The following EYS variants were observed in gnomAD, a reference collection of about 807,000 sequenced individuals.
EYS encodes the protein protein eyes shut homolog.
A neutral mutation model predicts 282.1 loss-of-function variants in EYS; 250 were observed. That is an observed-to-expected ratio of 0.89 (90% CI 0.80 to 0.98). EYS has a LOEUF of 0.98. EYS is among the 50% of genes least tolerant of loss of function. The probability of loss-of-function intolerance (pLI) is 0.00; values close to 1 mark genes in which losing one functional copy is unlikely to be tolerated. For missense variants in EYS, 4,016 were observed against 3,709.0 expected, an observed-to-expected ratio of 1.08 and a Z score of -2.15; for synonymous variants, 1,355 against 1,282.9, an observed-to-expected ratio of 1.06 and a Z score of -1.20.
chr6:64,684,790 A>T (rs1019882541), intron 22 of EYS, among the ~76,000 whole-genome samples: 1 of 151,994 alleles, frequency 6.6e-6, no homozygotes, highest in Non-Finnish European at 1.5e-5. Context: ...AATGGAATGT[A>T]TAAAGATATA....
At chr6:63,781,681 C>A (rs1292156965) in intron 39 of EYS, among the ~76,000 whole-genome samples, 1 of 152,200 alleles carries the variant, frequency 6.6e-6, no homozygotes, top group Non-Finnish European at 1.5e-5. Context: ...AATATACAAT[C>A]ATGTCATCTG....
At chr6:64,897,293 G>A (rs1224489764) in intron 18 of EYS, among the ~76,000 whole-genome samples, 1 of 152,120 alleles carries the variant, frequency 6.6e-6, no homozygotes, top group Non-Finnish European at 1.5e-5. Context: ...AGCCTCCACT[G>A]GTGATACCCA....
At chr6:64,318,978 C>T (rs529538767) in intron 29 of EYS, among the ~76,000 whole-genome samples, 1 of 151,818 alleles carries the variant, frequency 6.6e-6, no homozygotes, top group Non-Finnish European at 1.5e-5. Context: ...TTATAGTCAC[C>T]CTGTTATACT....
chr6:64,582,353 TCTAA>T (rs1445081626), intron 26 of EYS, among the ~76,000 whole-genome samples: 1 of 152,102 alleles, frequency 6.6e-6, no homozygotes, highest in East Asian at 1.9e-4. Context: ...CTGATGAGAA[TCTAA>T]CTAATGCCTG....
At chr6:65,212,322 T>C (rs1766195889) in intron 12 of EYS, among the ~76,000 whole-genome samples, 1 of 152,060 alleles carries the variant, frequency 6.6e-6, no homozygotes, top group Non-Finnish European at 1.5e-5. Flanking sequence ...AGGAAGAAAT[T>C]AAGAATTGAA....
chr6:65,025,363 G>A (rs1265453394), intron 13 of EYS, among the ~76,000 whole-genome samples: 1 of 152,080 alleles, frequency 6.6e-6, no homozygotes, highest in Non-Finnish European at 1.5e-5. Context: ...CTGCAATAAT[G>A]AAAATGAATT....
chr6:65,454,432 T>C (rs1012081995), intron 5 of EYS, among the ~76,000 whole-genome samples: 5 of 152,142 alleles, frequency 3.3e-5, no homozygotes, highest in Admixed American at 3.3e-4. Flanking sequence ...AATTTGCACA[T>C]ATTTTCTCTC....
intron 29 of EYS, among the ~76,000 whole-genome samples, chr6:64,387,963 T>G (rs939418677): frequency 6.6e-6 from 1 of 152,124 alleles, no homozygotes; most frequent in African/African-American, 2.4e-5. Flanking sequence ...TGTGAAACAA[T>G]AGCATTTTAT....
chr6:65,611,262 A>G (rs979866150), intron 2 of EYS, among the ~76,000 whole-genome samples: 3 of 151,878 alleles, frequency 2.0e-5, no homozygotes, highest in Admixed American at 6.6e-5. Context: ...AAGAACTGAG[A>G]GAATTCAACC....
Position 63,760,958 on chromosome 6 carries a change from T to C in EYS, c.8071+1503A>G, listed in dbSNP as rs575182155. Reference sequence around the variant, plus strand: ...AAAGGTACTCATCTTGGTTAATTTTTGAGTACTCTGCCTTTCACTAAGGAA... The same window carrying C: ...AAAGGTACTCATCTTGGTTAATTTTCGAGTACTCTGCCTTTCACTAAGGAA... On this transcript the variant is annotated intron_variant, in intron 41 of 42. Coordinates refer to ENST00000503581, the MANE Select transcript of EYS (RefSeq NM_001142800.2). Among the ~76,000 whole-genome samples, 426 of 152,146 alleles carry C rather than the reference T, an allele frequency of 2.8e-3. 2 individuals carry two copies. The highest frequency in any genetic ancestry group is 4.7e-3 in the Non-Finnish European group (320 of 67,968).
chr6:64,271,989 G>T (rs996091289), intron 30 of EYS, among the ~76,000 whole-genome samples: 1 of 152,032 alleles, frequency 6.6e-6, no homozygotes, highest in Non-Finnish European at 1.5e-5. Context: ...ACAGGCATGC[G>T]CCATCATGCC....
chr6:64,778,305 G>T (rs1446898216), intron 22 of EYS, among the ~76,000 whole-genome samples: 2 of 152,132 alleles, frequency 1.3e-5, no homozygotes, highest in Non-Finnish European at 2.9e-5. Flanking sequence ...GAGCTTCAAG[G>T]TATTAAATAA....
intron 31 of EYS, among the ~76,000 whole-genome samples, chr6:64,199,983 A>G (rs1765412420): frequency 6.6e-6 from 1 of 152,308 alleles, no homozygotes; most frequent in Admixed American, 6.5e-5. Flanking sequence ...AGACAAGGAA[A>G]AACTATTTAG....
intron 19 of EYS, among the ~76,000 whole-genome samples, chr6:64,851,969 A>C (rs1034104140): frequency 4.6e-5 from 7 of 152,056 alleles, no homozygotes; most frequent in Non-Finnish European, 8.8e-5. Flanking sequence ...CCCCGAACAT[A>C]AATTGAAAGT....
chr6:65,012,808 A>AG (rs2150134125), intron 13 of EYS, among the ~76,000 whole-genome samples: 1 of 101,604 alleles, frequency 9.8e-6, no homozygotes, highest in African/African-American at 5.8e-5. Context: ...TTCCAAGTAC[A>AG]GCAAAAAAAA....
At chr6:65,084,749 CAGTG>C in intron 12 of EYS, among the ~76,000 whole-genome samples, 1 of 152,244 alleles carries the variant, frequency 6.6e-6, no homozygotes, top group African/African-American at 2.4e-5. Context: ...CTCACTATCT[CAGTG>C]AGTGTTATGA....
chr6:65,329,077 G>A (rs1173028676), intron 11 of EYS, among the ~76,000 whole-genome samples: 1 of 151,306 alleles, frequency 6.6e-6, no homozygotes, highest in Non-Finnish European at 1.5e-5. Flanking sequence ...GGCTTAGGTA[G>A]TATAAAACTA....
chr6:64,355,766 AAT>A (rs1195823324), intron 29 of EYS, among the ~76,000 whole-genome samples: 2 of 151,654 alleles, frequency 1.3e-5, no homozygotes, highest in African/African-American at 4.8e-5. Context: ...AAGATGAATC[AAT>A]CAGGCAGAGC....
At chr6:65,361,483 T>G (rs1259985446) in intron 8 of EYS, among the ~76,000 whole-genome samples, 12 of 113,950 alleles carry the variant, frequency 1.1e-4, no homozygotes, top group Admixed American at 1.0e-3. Context: ...TTTCGTTCGT[T>G]CGTTCCTTTT....
Sources: gnomAD v4.1 joint callset for allele counts (sites outside exome capture counted in the v4.1 genomes callset) on GRCh38, gnomAD v4.1.1 for gene constraint, MANE v1.5 for transcripts, NCBI Gene and HGNC (gene_info 2026-07-23, HGNC 2026-07-21) for gene names.